Variants in CNTN5 observed in about 807,000 individuals in gnomAD.
CNTN5 encodes contactin-5.
A neutral mutation model predicts 129.1 loss-of-function variants in CNTN5; 77 were observed. The ratio of observed to expected loss-of-function variants is 0.60; its 90% CI spans 0.50 to 0.72. CNTN5 has a LOEUF of 0.72. Ranked by LOEUF, CNTN5 falls within the 30% of genes least tolerant of loss-of-function variation. CNTN5 has a pLI of 0.00. For missense variants in CNTN5, 1,478 were observed against 1,328.8 expected (o/e 1.11, Z -1.75); for synonymous variants, 509 against 465.6 (o/e 1.09, Z -1.20).
chr11:99,688,645 A>G (rs867091032), intron 3 of CNTN5, among the ~76,000 whole-genome samples: 3 of 151,966 alleles, frequency 2.0e-5, no homozygotes, highest in Non-Finnish European at 4.4e-5. Flanking sequence ...CATTTCCAGG[A>G]TGTGCGGTTT....
intron 16 of CNTN5, among the ~76,000 whole-genome samples, chr11:100,241,422 T>C (rs1949739402): frequency 6.6e-6 from 1 of 152,208 alleles, no homozygotes; most frequent in Admixed American, 6.5e-5. Context: ...CTGAAGTTTG[T>C]GATAACTGAC....
At chr11:99,223,557 G>T (rs61893091) in intron 1 of CNTN5, among the ~76,000 whole-genome samples, 14,702 of 152,096 alleles carry the variant, frequency 0.097, 1,548 homozygotes, top group East Asian at 0.46. Flanking sequence ...GTTTTAAGTA[G>T]AATCACAGAA....
In CNTN5 at chr11:100,192,380, A is replaced by G. The variant is rs144639229; in HGVS notation, c.1709-1108A>G. ...GGCCAGAACTTAGAATGCCATATGG[A>G]ACATTTGACTTCCAGAATGTTAATA... On this transcript the variant is annotated intron_variant, in intron 14 of 24. Coordinates refer to ENST00000524871, the MANE Select transcript of CNTN5 (RefSeq NM_014361.4). Among the ~76,000 whole-genome samples the G allele has an allele frequency of 3.3e-3, 507 of 152,108 alleles. 11 individuals carry two copies. The highest frequency in any genetic ancestry group is 0.026 in the Admixed American group (392 of 15,252).
chr11:100,004,963 C>T (rs1041729272), intron 9 of CNTN5, among the ~76,000 whole-genome samples: 6 of 152,148 alleles, frequency 3.9e-5, no homozygotes, highest in African/African-American at 9.7e-5. Flanking sequence ...TACAAGCCTG[C>T]GGATGCAATT....
intron 13 of CNTN5, among the ~76,000 whole-genome samples, chr11:100,142,730 A>G (rs1316031508): frequency 6.6e-6 from 1 of 152,000 alleles, no homozygotes; most frequent in African/African-American, 2.4e-5. Context: ...CCCTGAACAC[A>G]TTATTTTTTC....
At chr11:100,016,533 G>A (rs753462992) in intron 9 of CNTN5, among the ~76,000 whole-genome samples, 1 of 151,768 alleles carries the variant, frequency 6.6e-6, no homozygotes, top group Non-Finnish European at 1.5e-5. Context: ...TTATATCTAG[G>A]CATTTTCTAC....
Position 100,271,173 on chromosome 11 carries a change from T to G in CNTN5, c.2246T>G (p.Val749Gly). The change falls in exon 18 of 25, where the codon GTA becomes GGA. Residue 749 changes from valine (V) to glycine (G), a missense_variant. By Grantham distance (109) the Val-to-Gly change is moderately radical (BLOSUM62 -3). Coordinates refer to ENST00000524871, the MANE Select transcript of CNTN5 (RefSeq NM_014361.4). ...NPWVEYEFRV[V>G]ATNPIGTGDP... Reference sequence around the variant, plus strand: ...TGGGTGGAATATGAATTTCGAGTGGTAGCCACCAACCCTATTGGGACAGGA... The same window carrying G: ...TGGGTGGAATATGAATTTCGAGTGGGAGCCACCAACCCTATTGGGACAGGA... The G allele has an allele frequency of 6.2e-7, 1 of 1,613,306 alleles. No individual in the cohort carries two copies. Among genetic ancestry groups the G allele is most frequent in the Non-Finnish European group, 8.5e-7 (1 of 1,179,588 alleles).
intron 3 of CNTN5, among the ~76,000 whole-genome samples, chr11:99,794,212 C>T (rs1945854088): frequency 6.7e-6 from 1 of 149,426 alleles, no homozygotes. Flanking sequence ...CGTAGGCTTA[C>T]AGCCTTTTTT....
intron 3 of CNTN5, among the ~76,000 whole-genome samples, chr11:99,693,272 G>T (rs1157196780): frequency 6.6e-6 from 1 of 151,890 alleles, no homozygotes; most frequent in African/African-American, 2.4e-5. Context: ...GGAAATAATA[G>T]TCTTTAAATA....
chr11:99,348,340 C>A (rs1938052382), intron 2 of CNTN5, among the ~76,000 whole-genome samples: 2 of 152,034 alleles, frequency 1.3e-5, no homozygotes, highest in African/African-American at 4.8e-5. Flanking sequence ...CTCCGTCCCC[C>A]CCAAAAAAAT....
intron 4 of CNTN5, among the ~76,000 whole-genome samples, chr11:99,828,099 A>G (rs1340422773): frequency 6.6e-6 from 1 of 152,174 alleles, no homozygotes; most frequent in Non-Finnish European, 1.5e-5. Context: ...TATACTTTCT[A>G]TTTGAAATAG....
At chr11:99,638,618 C>T (rs1565376371) in intron 3 of CNTN5, among the ~76,000 whole-genome samples, 1 of 152,154 alleles carries the variant, frequency 6.6e-6, no homozygotes, top group Non-Finnish European at 1.5e-5. Flanking sequence ...TAACCATTCC[C>T]AACGGGAGAA....
chr11:99,779,111 A>G (rs943652673), intron 3 of CNTN5, among the ~76,000 whole-genome samples: 2 of 151,854 alleles, frequency 1.3e-5, no homozygotes, highest in Non-Finnish European at 2.9e-5. Flanking sequence ...AGACATTTTA[A>G]TATCATATTA....
At chr11:99,632,383 C>T (rs752305980) in intron 3 of CNTN5, among the ~76,000 whole-genome samples, 1 of 152,008 alleles carries the variant, frequency 6.6e-6, no homozygotes, top group Admixed American at 6.6e-5. Context: ...GTAAACATGT[C>T]ATTTTTCCCA....
At chr11:99,566,556 TTA>T (rs1949012411) in intron 3 of CNTN5, among the ~76,000 whole-genome samples, 2 of 152,318 alleles carry the variant, frequency 1.3e-5, no homozygotes, top group Non-Finnish European at 2.9e-5. Flanking sequence ...GGTTGTGTGT[TTA>T]GTTAAACTAA....
chr11:99,169,820 A>G (rs535460572), intron 1 of CNTN5, among the ~76,000 whole-genome samples: 3 of 152,346 alleles, frequency 2.0e-5, no homozygotes, highest in African/African-American at 7.2e-5. Context: ...AACATAATGT[A>G]TAAAACTAGG....
chr11:99,834,883 C>T (rs934448465), intron 4 of CNTN5, among the ~76,000 whole-genome samples: 11 of 152,152 alleles, frequency 7.2e-5, no homozygotes, highest in African/African-American at 2.2e-4. Flanking sequence ...TAGATGACTG[C>T]CTCCACAGTC....
chr11:99,198,720 T>C (rs1859026436), intron 1 of CNTN5, among the ~76,000 whole-genome samples: 2 of 152,194 alleles, frequency 1.3e-5, no homozygotes, highest in Admixed American at 1.3e-4. Context: ...CTGGCACTTT[T>C]GTAACTAATT....
At chr11:100,159,709 C>A (rs928836016) in intron 13 of CNTN5, among the ~76,000 whole-genome samples, 5 of 151,910 alleles carry the variant, frequency 3.3e-5, no homozygotes, top group African/African-American at 1.2e-4. Flanking sequence ...TCGTTAGGTT[C>A]TCCTTCTAAA....
Sources: allele counts gnomAD v4.1 joint callset (sites outside exome capture counted in the v4.1 genomes callset), GRCh38; gene constraint gnomAD v4.1.1; transcripts MANE v1.5; gene names NCBI Gene and HGNC (gene_info 2026-07-23, HGNC 2026-07-21).